DOCK8: variants seen among roughly 807,000 people sequenced by gnomAD.
The protein encoded by DOCK8 is dedicator of cytokinesis 8.
In DOCK8, 141 loss-of-function variants were observed where a neutral mutation model predicts 245.6. That is an observed-to-expected ratio of 0.57 (90% CI 0.50 to 0.66). DOCK8 has a LOEUF of 0.66. Among genes scored for constraint, DOCK8 ranks in the 30% least tolerant of loss-of-function variants. The pLI, the probability that DOCK8 is intolerant of heterozygous loss-of-function variation, is 0.00. For synonymous variants in DOCK8, 1,168 were observed against 970.2 expected (o/e 1.20, Z -3.79); for missense variants, 2,965 against 2,603.4 (o/e 1.14, Z -3.02).
Position 304,602 on chromosome 9 carries a change from C to T in DOCK8, c.426C>T (p.Ile142=). 2 of 1,614,196 alleles carry T rather than the reference C, an allele frequency of 1.2e-6. No individual in the cohort carries two copies. Among genetic ancestry groups the T allele is most frequent in the Non-Finnish European group, 1.7e-6 (2 of 1,180,026 alleles). Residue 142 remains isoleucine (I), a synonymous_variant, in exon 5 of 48, where the codon ATC becomes ATT. Coordinates refer to ENST00000432829, the MANE Select transcript of DOCK8 (RefSeq NM_203447.4). ...VNRKNQGSPE[I]CGFKKTGSRK... ...AAAGAAACCAAGGAAGTCCAGAAATCTGTGGCTTTAAAAAGACTGGATCTC... is the reference window on the plus strand; with the variant it reads ...AAAGAAACCAAGGAAGTCCAGAAATTTGTGGCTTTAAAAAGACTGGATCTC...
At chr9:239,137 A>T (rs191125900) in intron 1 of DOCK8, among the ~76,000 whole-genome samples, 1 of 152,212 alleles carries the variant, frequency 6.6e-6, no homozygotes, top group Non-Finnish European at 1.5e-5. Context: ...TTTGAATGAA[A>T]CAATGTTATT....
At chr9:306,918 CA>C (rs2049859149) in intron 5 of DOCK8, among the ~76,000 whole-genome samples, 2 of 152,080 alleles carry the variant, frequency 1.3e-5, no homozygotes, top group African/African-American at 2.4e-5. Context: ...CTCAAGATCT[CA>C]GAGGGAAAAA....
intron 5 of DOCK8, among the ~76,000 whole-genome samples, chr9:307,938 G>C (rs1471874184): frequency 6.6e-6 from 1 of 152,190 alleles, no homozygotes; most frequent in Non-Finnish European, 1.5e-5. Context: ...TAGAGGATAA[G>C]TGAAATAAGC....
At chr9:446,657 T>G (rs377520690) in intron 44 of DOCK8, 51 bp downstream of exon 44, 142 of 1,552,584 alleles carry the variant, frequency 9.1e-5, no homozygotes, top group Non-Finnish European at 1.2e-4. Flanking sequence ...CTGGGTGGCC[T>G]CCCAGGAGGA....
At chr9:441,259 C>T in intron 40 of DOCK8, 27 bp from the exon 41 acceptor site, 1 of 1,614,026 alleles carries the variant, frequency 6.2e-7, no homozygotes, top group Non-Finnish European at 8.5e-7. Flanking sequence ...ATTAAATTCT[C>T]TCTGATGCTC....
rs1012536496 is a variant in DOCK8, at chr9:427,064, A to C, written c.4338+83A>C. 31 of 1,213,944 alleles carry C rather than the reference A, an allele frequency of 2.6e-5. No individual in the cohort carries two copies. In the African/African-American group the frequency reaches 4.2e-4, roughly 16 times the overall value. 75.2% of individuals were successfully genotyped at this position (1,213,944 alleles called of 1,614,324 possible). On this transcript the variant is annotated intron_variant, in intron 34 of 47. Transcript: ENST00000432829. ...AGGACTTCTTTATGCAAAATTGTGA[A>C]AGACATAAATGTGATCCCATAGTAC...
At chr9:328,674 C>T (rs2050868020) in intron 9 of DOCK8, among the ~76,000 whole-genome samples, 1 of 152,062 alleles carries the variant, frequency 6.6e-6, no homozygotes, top group Non-Finnish European at 1.5e-5. Flanking sequence ...TTCCCAAGTC[C>T]AGCCTCTTAC....
chr9:319,516 T>C (rs6476252), intron 7 of DOCK8, among the ~76,000 whole-genome samples: 79,345 of 151,924 alleles, frequency 0.52, 21,558 homozygotes, highest in African/African-American at 0.64. Context: ...GTAAACTAGA[T>C]GAAAGAAAGA....
At position 446,583 on chromosome 9, in the gene DOCK8, A is replaced by G; in HGVS notation, c.5794A>G (p.Ile1932Val). ...CGCCTTCCCCTACATCAAGACCAGG[A>G]TCAGCGTCATCCAGAAGGAGGAGGT... Reference protein sequence around the residue: ...MHAFPYIKTRISVIQKEEFVL... With the variant: ...MHAFPYIKTRVSVIQKEEFVL... Residue 1932 changes from isoleucine to valine, a missense_variant, in exon 44 of 48, where the codon ATC becomes GTC. Physicochemically the swap from Ile to Val is conservative, Grantham distance 29. This residue lies in a region of DOCK8 where 2,825 missense variants were observed against 2,453.5 expected (regional missense o/e 1.15). Transcript: ENST00000432829. 6.2e-7 allele frequency: 1 copy of G among 1,614,218 alleles called. No homozygotes were observed. Among genetic ancestry groups the G allele is most frequent in the Non-Finnish European group, 8.5e-7 (1 of 1,180,036 alleles).
At chr9:304,446 A>C (rs879045475) in intron 4 of DOCK8, 135 bp from the exon 5 acceptor site, 1 of 1,164,952 alleles carries the variant, frequency 8.6e-7, no homozygotes, top group Non-Finnish European at 1.2e-6. Context: ...AATGTGAGGA[A>C]TTATAATTGG....
upstream of DOCK8, chr9:214,469 C>T: frequency 6.3e-7 from 1 of 1,576,756 alleles, no homozygotes; most frequent in Non-Finnish European, 8.6e-7. Flanking sequence ...TTTTGGCTGC[C>T]TTCTTCGAGA....
rs1047605785 is a variant in DOCK8, at chr9:372,272, A to G, written c.2095A>G (p.Met699Val). The G allele has an allele frequency of 4.3e-6, 7 of 1,613,748 alleles. No homozygotes were observed. The highest frequency in any genetic ancestry group is 2.7e-5 in the African/African-American group (2 of 74,902). The change falls in exon 18 of 48, where the codon ATG (methionine) becomes GTG (valine). Residue 699 changes from methionine (M) to valine (V), a missense_variant. By Grantham distance (21) the Met-to-Val change is conservative. Coordinates refer to ENST00000432829, the MANE Select transcript of DOCK8 (RefSeq NM_203447.4). ...GGAAAAATTGCCACCCAACTACTCC[A>G]TGCATTCTGCTGAGGTAATTGGCAA... ...ALEKLPPNYSMHSAEKVPLQN... is the reference protein window; with the variant it reads ...ALEKLPPNYSVHSAEKVPLQN...
chr9:305,505 CTG>C (rs2049784110), intron 5 of DOCK8, among the ~76,000 whole-genome samples: 2 of 152,062 alleles, frequency 1.3e-5, no homozygotes, highest in Non-Finnish European at 2.9e-5. Context: ...CAGGATGGTC[CTG>C]ATCTCCTGAC....
At chr9:327,194 T>C (rs138088476) in intron 8 of DOCK8, among the ~76,000 whole-genome samples, 2,332 of 152,294 alleles carry the variant, frequency 0.015, 19 homozygotes, top group Non-Finnish European at 0.023. Context: ...CCCTGGCACA[T>C]CATCACCTTC....
rs760516799 is a variant in DOCK8, at chr9:432,320, C to A, written c.4781C>A (p.Thr1594Asn). The stretch of plus-strand genomic sequence containing the variant: ...GCCATGCAGATGACTCCTTTTCCCA[C>A]CCAGGTACACCGAAGCACATACCTT... ...DTAMQMTPFP[T>N]QVEELLCNLN... Residue 1594 changes from threonine to asparagine, a missense_variant, in exon 37 of 48, where the codon ACC (threonine) becomes AAC (asparagine). Physicochemically the swap from Thr to Asn is moderately conservative, Grantham distance 65. Transcript: ENST00000432829. 1 of 1,614,032 alleles carries A rather than the reference C, an allele frequency of 6.2e-7. No individual in the cohort carries two copies. The highest frequency in any genetic ancestry group is 8.5e-7 in the Non-Finnish European group (1 of 1,180,002).
At chr9:426,272 A>G (rs892998875) in intron 33 of DOCK8, among the ~76,000 whole-genome samples, 4 of 152,164 alleles carry the variant, frequency 2.6e-5, no homozygotes, top group African/African-American at 9.7e-5. Context: ...GTCCGGCAGG[A>G]TATTAGATCA....
In DOCK8 at chr9:432,155, C is replaced by G. The variant is rs1287194798; in HGVS notation, c.4627-11C>G. 1 of 1,583,130 alleles carries G rather than the reference C, an allele frequency of 6.3e-7. No individual in the cohort carries two copies. The highest frequency in any genetic ancestry group is 1.4e-5 in the African/African-American group (1 of 70,520). On this transcript the variant is annotated splice_polypyrimidine_tract_variant and intron_variant, in intron 36 of 47. Transcript: ENST00000432829. ...TTTACTTCATCTTTTTTTTTTTTTT[C>G]ACTGATGCAGAATTTTGCAAGAGTA...
At chr9:373,462 A>G (rs1479208046) in intron 18 of DOCK8, among the ~76,000 whole-genome samples, 1 of 152,170 alleles carries the variant, frequency 6.6e-6, no homozygotes. Flanking sequence ...CACTAATGCT[A>G]TATTTTTGAC....
chr9:342,719 CG>C (rs1283850851), intron 14 of DOCK8, among the ~76,000 whole-genome samples: 1 of 152,114 alleles, frequency 6.6e-6, no homozygotes, highest in Non-Finnish European at 1.5e-5. Flanking sequence ...CCACCTGCCT[CG>C]GCCTCCCAAA....
Sources: gnomAD v4.1 joint callset for allele counts (sites outside exome capture counted in the v4.1 genomes callset) on GRCh38, gnomAD v4.1.1 for gene constraint, gnomAD v4.1.1 regional missense constraint, MANE v1.5 for transcripts, NCBI Gene and HGNC (gene_info 2026-07-23, HGNC 2026-07-21) for gene names.